ZRANB1: variants seen among roughly 807,000 people sequenced by gnomAD.
ZRANB1 encodes the protein ubiquitin thioesterase ZRANB1.
Under a neutral mutation model 80.5 loss-of-function variants are expected in ZRANB1, and 16 were observed. The observed-to-expected ratio is 0.20, with a 90% CI of 0.13 to 0.30. The LOEUF is 0.30. Ranked by LOEUF, ZRANB1 falls within the 10% of genes least tolerant of loss-of-function variation. The pLI is 1.00. For missense variants in ZRANB1, 576 were observed against 862.6 expected (o/e 0.67, Z 4.16); for synonymous variants, 291 against 293.1 (o/e 0.99, Z 0.07).
At chr10:124,941,475 C>T (rs1413910720), upstream of ZRANB1, among the ~76,000 whole-genome samples, 1 of 152,052 alleles carries the variant, frequency 6.6e-6, no homozygotes, top group African/African-American at 2.4e-5. Context: ...GCCTCAGCCT[C>T]CTGAGTAGCT....
At chr10:124,933,472 A>G in the ZRANB1 span, among the ~76,000 whole-genome samples, 2 of 152,186 alleles carry the variant, frequency 1.3e-5, no homozygotes, top group Admixed American at 6.5e-5. Flanking sequence ...TAGCATGTTC[A>G]TAGTTCTTGC....
intron 1 of ZRANB1, among the ~76,000 whole-genome samples, chr10:124,959,907 G>T (rs892294707): frequency 6.6e-6 from 1 of 152,156 alleles, no homozygotes; most frequent in Non-Finnish European, 1.5e-5. Flanking sequence ...GTATAGCTGG[G>T]GTAGAGTCAG....
chr10:124,926,110 C>T, the ZRANB1 span, among the ~76,000 whole-genome samples: 2 of 152,156 alleles, frequency 1.3e-5, no homozygotes, highest in Admixed American at 6.5e-5. Flanking sequence ...AAAAATGGTA[C>T]ACCTGTATAG....
At chr10:124,980,801 G>A (rs1206392326) in intron 5 of ZRANB1, among the ~76,000 whole-genome samples, 1 of 151,982 alleles carries the variant, frequency 6.6e-6, no homozygotes, top group African/African-American at 2.4e-5. Flanking sequence ...ATATAGCCGG[G>A]GTCTCACTAT....
At chr10:124,973,619 C>A (rs1187213347) in intron 3 of ZRANB1, 26 bp from the exon 4 acceptor site, 2 of 1,592,630 alleles carry the variant, frequency 1.3e-6, no homozygotes, top group Admixed American at 3.5e-5. Context: ...AACAAAAGAT[C>A]TTTTAAGTTT....
the ZRANB1 span, among the ~76,000 whole-genome samples, chr10:124,932,715 A>G: frequency 6.7e-6 from 1 of 149,848 alleles, no homozygotes; most frequent in African/African-American, 2.5e-5. Context: ...TAATTACCTA[A>G]TGATGTATGG....
chr10:124,926,481 A>C, the ZRANB1 span, among the ~76,000 whole-genome samples: 1 of 152,208 alleles, frequency 6.6e-6, no homozygotes, highest in Non-Finnish European at 1.5e-5. Context: ...GGCCAGGATC[A>C]TCAGTATCAC....
chr10:124,920,386 ACT>A, the ZRANB1 span, among the ~76,000 whole-genome samples: 4 of 152,078 alleles, frequency 2.6e-5, no homozygotes, highest in Admixed American at 6.5e-5. Context: ...ACATTTGAAC[ACT>A]CTTACCTCCT....
At chr10:124,939,663 ATTAC>A (rs1951517878), upstream of ZRANB1, among the ~76,000 whole-genome samples, 1 of 152,212 alleles carries the variant, frequency 6.6e-6, no homozygotes, top group African/African-American at 2.4e-5. Context: ...ATATATTGAA[ATTAC>A]TTAGAGTAGC....
At chr10:124,957,164 C>T (rs1951693483) in intron 1 of ZRANB1, among the ~76,000 whole-genome samples, 1 of 82,910 alleles carries the variant, frequency 1.2e-5, no homozygotes, top group Admixed American at 1.6e-4. Context: ...TAATCTAGAA[C>T]AGCACCTGTT....
chr10:124,940,460 G>C (rs191081313), upstream of ZRANB1: 109 of 1,267,470 alleles, frequency 8.6e-5, no homozygotes, highest in African/African-American at 1.5e-3. Flanking sequence ...CATGAAGACG[G>C]AATCTTGTCT....
At chr10:124,958,830 C>T (rs1400571910) in intron 1 of ZRANB1, among the ~76,000 whole-genome samples, 1 of 152,044 alleles carries the variant, frequency 6.6e-6, no homozygotes, top group Non-Finnish European at 1.5e-5. Flanking sequence ...CACTTTCGTT[C>T]ACTTTCTTTG....
At chr10:124,940,131 T>C (rs969155114), upstream of ZRANB1, among the ~76,000 whole-genome samples, 4 of 152,228 alleles carry the variant, frequency 2.6e-5, no homozygotes, top group Non-Finnish European at 5.9e-5. Context: ...ATATTAGAAC[T>C]GTGTACACAG....
At chr10:124,970,984 AT>A (rs887291541) in intron 2 of ZRANB1, among the ~76,000 whole-genome samples, 10 of 151,760 alleles carry the variant, frequency 6.6e-5, no homozygotes, top group African/African-American at 2.4e-4. Flanking sequence ...ACTACAGCTA[AT>A]TTTTGTAGTA....
At chr10:124,940,166 A>C (rs1951522134), upstream of ZRANB1, among the ~76,000 whole-genome samples, 1 of 152,204 alleles carries the variant, frequency 6.6e-6, no homozygotes, top group Non-Finnish European at 1.5e-5. Flanking sequence ...TATATAGAAA[A>C]ATGTCTCATC....
chr10:124,928,752 C>T, the ZRANB1 span, among the ~76,000 whole-genome samples: 7 of 152,276 alleles, frequency 4.6e-5, no homozygotes, highest in South Asian at 1.5e-3. Context: ...AAAGAAATGT[C>T]AGATAGTGAT....
intron 5 of ZRANB1, among the ~76,000 whole-genome samples, chr10:124,974,864 C>T (rs1951862341): frequency 6.6e-6 from 1 of 152,186 alleles, no homozygotes. Flanking sequence ...GTGGTGCAGT[C>T]TTGGCCCACT....
At chr10:124,968,671 T>C (rs1951796223) in intron 2 of ZRANB1, among the ~76,000 whole-genome samples, 1 of 152,128 alleles carries the variant, frequency 6.6e-6, no homozygotes, top group Non-Finnish European at 1.5e-5. Context: ...TTGTAGTTGC[T>C]GGTGGTGACA....
chr10:124,965,469 G>A (rs1358315297), intron 1 of ZRANB1, among the ~76,000 whole-genome samples: 2 of 152,216 alleles, frequency 1.3e-5, no homozygotes, highest in Admixed American at 1.3e-4. Flanking sequence ...TTCAGTAAAT[G>A]TGGGAATTAT....
Sources: allele counts gnomAD v4.1 joint callset (sites outside exome capture counted in the v4.1 genomes callset), GRCh38; gene constraint gnomAD v4.1.1; transcripts MANE v1.5; gene names NCBI Gene and HGNC (gene_info 2026-07-23, HGNC 2026-07-21).